The following RFTN1 variants were observed in gnomAD, a reference collection of about 807,000 sequenced individuals.
RFTN1 encodes raftlin.
RFTN1 carries 26 observed loss-of-function variants against 46.5 expected under a neutral mutation model. That is an observed-to-expected ratio of 0.56 (90% confidence interval 0.41 to 0.78). The LOEUF (loss-of-function observed/expected upper bound fraction) is 0.78. RFTN1 is among the 30% of genes least tolerant of loss of function. The probability of loss-of-function intolerance (pLI) is 0.00; values close to 1 mark genes in which losing one functional copy is unlikely to be tolerated. For missense variants in RFTN1, 693 were observed against 718.7 expected (o/e 0.96, Z 0.41); for synonymous variants, 261 against 284.2 (o/e 0.92, Z 0.82).
At chr3:16,510,596 C>T (rs1189348516) in intron 1 of RFTN1, among the ~76,000 whole-genome samples, 1 of 152,186 alleles carries the variant, frequency 6.6e-6, no homozygotes, top group Non-Finnish European at 1.5e-5. Context: ...GAACACTAGT[C>T]AAACCATGCT....
intron 1 of RFTN1, among the ~76,000 whole-genome samples, chr3:16,503,029 A>G (rs2076738769): frequency 6.6e-6 from 1 of 152,194 alleles, no homozygotes; most frequent in African/African-American, 2.4e-5. Context: ...TTTGTTACAC[A>G]ATAAAAGATA....
intron 3 of RFTN1, among the ~76,000 whole-genome samples, chr3:16,431,811 A>T (rs2075394701): frequency 6.6e-6 from 1 of 152,220 alleles, no homozygotes; most frequent in East Asian, 1.9e-4. Flanking sequence ...TTCTTTATGG[A>T]AGATCAAAGA....
Position 16,351,147 on chromosome 3 carries a change from G to A in RFTN1, c.1146+6785C>T, listed in dbSNP as rs777157143. Among the ~76,000 whole-genome samples, 5 of 152,164 alleles carry A rather than the reference G, an allele frequency of 3.3e-5. No individual in the cohort carries two copies. Among genetic ancestry groups the A allele is most frequent in the Non-Finnish European group, 7.3e-5 (5 of 68,048 alleles). On this transcript the variant is annotated intron_variant, in intron 7 of 9. Transcript: ENST00000334133. This position sits in a 1 kb window ranked among gnomAD's most constrained non-coding sequence, Gnocchi z 5.4. Reference sequence around the variant, plus strand: ...AAAAGTGTGTCATCGAGCCTTTCATGTAAATACAATAGAGGAATGGAAGAT... The same window carrying A: ...AAAAGTGTGTCATCGAGCCTTTCATATAAATACAATAGAGGAATGGAAGAT...
At chr3:16,392,583 A>G (rs932035362) in intron 4 of RFTN1, among the ~76,000 whole-genome samples, 3 of 150,628 alleles carry the variant, frequency 2.0e-5, no homozygotes, top group Non-Finnish European at 3.0e-5. Flanking sequence ...ATATAAATAT[A>G]TATTACATCT....
chr3:16,456,443 G>T (rs1408165131), intron 2 of RFTN1, among the ~76,000 whole-genome samples: 1 of 152,174 alleles, frequency 6.6e-6, no homozygotes, highest in Non-Finnish European at 1.5e-5. Flanking sequence ...TTTCTGAATG[G>T]TTTATCTTTC....
chr3:16,438,322 C>A (rs1048670558), intron 2 of RFTN1, among the ~76,000 whole-genome samples: 1 of 151,976 alleles, frequency 6.6e-6, no homozygotes, highest in Non-Finnish European at 1.5e-5. Context: ...TGGTGGCTCA[C>A]GCTTGTAATC....
rs1178425243 is a variant in RFTN1, at chr3:16,474,158, G to C, written c.145+19567C>G. On this transcript the variant is annotated intron_variant, in intron 2 of 9. Coordinates refer to ENST00000334133, the MANE Select transcript of RFTN1 (RefSeq NM_015150.2). This position sits in a 1 kb window ranked among gnomAD's most constrained non-coding sequence, Gnocchi z 5.5. ...CTATCATTTACTGAGAATTATCTAG[G>C]GGTCTAACCAATGCCTTTTCTGATG... 6.6e-6 allele frequency among the ~76,000 whole-genome samples: 1 copy of C among 152,084 alleles called. No individual in the cohort carries two copies. Among genetic ancestry groups the C allele is most frequent in the Non-Finnish European group, 1.5e-5 (1 of 68,022 alleles).
At chr3:16,463,644 A>G (rs1212194352) in intron 2 of RFTN1, among the ~76,000 whole-genome samples, 1 of 152,158 alleles carries the variant, frequency 6.6e-6, no homozygotes, top group Non-Finnish European at 1.5e-5. Context: ...TTTGCTAAAT[A>G]TAATTCTATT....
rs1236616524 is a variant in RFTN1 at position 16,507,817 on chromosome 3, A to G, written c.-9+5625T>C. On this transcript the variant is annotated intron_variant, in intron 1 of 9. Transcript: ENST00000334133. The surrounding 1 kb of genome is among the most constrained non-coding windows in gnomAD (Gnocchi z 7.1). ...CAAACACACACAAACGCACATACAT[A>G]CATACATACACACACACACACATAC... Among the ~76,000 whole-genome samples the G allele has an allele frequency of 7.6e-6, 1 of 131,538 alleles. No individual in the cohort carries two copies. The highest frequency in any genetic ancestry group is 1.7e-5 in the Non-Finnish European group (1 of 60,104). 86.3% of individuals were successfully genotyped at this position (131,538 alleles called of 152,430 possible).
rs753850636 is a variant in RFTN1, at chr3:16,447,680, G to T, written c.146-13643C>A. On this transcript the variant is annotated intron_variant, in intron 2 of 9. Transcript: ENST00000334133. The surrounding 1 kb of genome is among the most constrained non-coding windows in gnomAD (Gnocchi z 5.9). ...AGTAAACAATTAGGTGAGAGCCAAT[G>T]GTCAGGGGGATGTTCTTCAGACTAA... Among the ~76,000 whole-genome samples the T allele has an allele frequency of 6.6e-6, 1 of 152,226 alleles. No individual in the cohort carries two copies. The highest frequency in any genetic ancestry group is 2.4e-5 in the African/African-American group (1 of 41,462).
rs1213938651 is a variant in RFTN1 at position 16,321,221 on chromosome 3, G to A, written c.1332+2155C>T. 6.6e-6 allele frequency among the ~76,000 whole-genome samples: 1 copy of A among 152,186 alleles called. No individual in the cohort carries two copies. The highest frequency in any genetic ancestry group is 1.5e-5 in the Non-Finnish European group (1 of 68,032). On this transcript the variant is annotated intron_variant, in intron 9 of 9. Transcript: ENST00000334133. The surrounding 1 kb of genome is among the most constrained non-coding windows in gnomAD (Gnocchi z 4.8). ...GAGCCACAGGATGGATGGAGCTGGA[G>A]TCTTGGGGTGCAGTGAGGGCTGAAA...
Position 16,381,735 on chromosome 3 carries a change from G to A in RFTN1, c.442-3633C>T, listed in dbSNP as rs1291210671. On this transcript the variant is annotated intron_variant, in intron 4 of 9. Coordinates refer to ENST00000334133, the MANE Select transcript of RFTN1 (RefSeq NM_015150.2). This position sits in a 1 kb window ranked among gnomAD's most constrained non-coding sequence, Gnocchi z 4.2. ...ACAGTATGCAACAGCCTGGTGTGTT[G>A]AGGAAATTTCTAGAAATATTTCTGG... 3.3e-5 allele frequency among the ~76,000 whole-genome samples: 5 copies of A among 152,266 alleles called. No homozygotes were observed. In the South Asian group the frequency reaches 6.2e-4, roughly 19 times the overall value.
At position 16,450,983 on chromosome 3, in the gene RFTN1, A is replaced by G. The variant is rs1412076621; in HGVS notation, c.146-16946T>C. On this transcript the variant is annotated intron_variant, in intron 2 of 9. Transcript: ENST00000334133. This position sits in a 1 kb window ranked among gnomAD's most constrained non-coding sequence, Gnocchi z 4.6. ...GAAACATTAGTCAGGCCATTAATAT[A>G]GGATCTTCAGCTCAAACGGAGAACT... Among the ~76,000 whole-genome samples the G allele has an allele frequency of 6.6e-6, 1 of 152,158 alleles. No homozygotes were observed. The highest frequency in any genetic ancestry group is 1.5e-5 in the Non-Finnish European group (1 of 68,016).
intron 7 of RFTN1, chr3:16,339,805 G>T (rs1157436130): frequency 6.6e-6 from 1 of 152,168 alleles, no homozygotes; most frequent in Non-Finnish European, 1.5e-5. Context: ...TGAATCCCAG[G>T]CACTTAAGGA....
At position 16,484,215 on chromosome 3, in the gene RFTN1, G is replaced by A. The variant is rs552732449; in HGVS notation, c.145+9510C>T. ...TTTTAGATTAGTCTTTTTCCCAGCCGTGAAGGGAGACTGAAAGGACAACTC... is the reference window on the plus strand; with the variant it reads ...TTTTAGATTAGTCTTTTTCCCAGCCATGAAGGGAGACTGAAAGGACAACTC... On this transcript the variant is annotated intron_variant, in intron 2 of 9. Transcript: ENST00000334133. The surrounding 1 kb of genome is among the most constrained non-coding windows in gnomAD (Gnocchi z 4.6). Among the ~76,000 whole-genome samples the A allele has an allele frequency of 2.0e-4, 31 of 152,098 alleles. No homozygotes were observed. Among genetic ancestry groups the A allele is most frequent in the Non-Finnish European group, 4.1e-4 (28 of 68,018 alleles).
In RFTN1 at chr3:16,442,018, T is replaced by A. The variant is rs1256023614; in HGVS notation, c.146-7981A>T. ...CAGAAGACAAAGCCCATGTCTTCTGTATGTGCCATTTCTAAATCTGTGGAA... is the reference window on the plus strand; with the variant it reads ...CAGAAGACAAAGCCCATGTCTTCTGAATGTGCCATTTCTAAATCTGTGGAA... On this transcript the variant is annotated intron_variant, in intron 2 of 9. Coordinates refer to ENST00000334133, the MANE Select transcript of RFTN1 (RefSeq NM_015150.2). The surrounding 1 kb of genome is among the most constrained non-coding windows in gnomAD (Gnocchi z 4.1). Among the ~76,000 whole-genome samples, 1 of 152,206 alleles carries A rather than the reference T, an allele frequency of 6.6e-6. No individual in the cohort carries two copies. The highest frequency in any genetic ancestry group is 1.5e-5 in the Non-Finnish European group (1 of 68,028).
chr3:16,343,738 A>G (rs188154754), intron 7 of RFTN1, among the ~76,000 whole-genome samples: 5 of 152,378 alleles, frequency 3.3e-5, no homozygotes, highest in Non-Finnish European at 7.3e-5. Flanking sequence ...CTGCAACACA[A>G]AAGGAACTAA....
intron 1 of RFTN1, among the ~76,000 whole-genome samples, chr3:16,494,814 T>C (rs1390247278): frequency 6.6e-6 from 1 of 152,206 alleles, no homozygotes; most frequent in Non-Finnish European, 1.5e-5. Context: ...GCTTTCCTCC[T>C]CTCTGGGGTA....
At chr3:16,333,598 G>GTTAAAT (rs1356750127) in intron 7 of RFTN1, among the ~76,000 whole-genome samples, 4 of 152,054 alleles carry the variant, frequency 2.6e-5, no homozygotes, top group Non-Finnish European at 5.9e-5. Flanking sequence ...GTGAACACTG[G>GTTAAAT]AAGGCCTTTC....
Sources: allele counts gnomAD v4.1 joint callset (sites outside exome capture counted in the v4.1 genomes callset), GRCh38; gene constraint gnomAD v4.1.1; non-coding constraint Gnocchi (gnomAD v3.1); transcripts MANE v1.5; gene names NCBI Gene and HGNC (gene_info 2026-07-23, HGNC 2026-07-21).